Variants in BACH2 observed in about 807,000 individuals in gnomAD.
BACH2 encodes BACH transcriptional regulator 2.
A neutral mutation model predicts 61.8 loss-of-function variants in BACH2; 5 were observed. The ratio of observed to expected loss-of-function variants is 0.08; its 90% confidence interval spans 0.04 to 0.17. BACH2 has a LOEUF of 0.17. Among genes scored for constraint, BACH2 ranks in the 10% least tolerant of loss-of-function variants. The pLI is 1.00. For synonymous variants in BACH2, 446 were observed against 440.1 expected (o/e 1.01, Z -0.17); for missense variants, 824 against 1,091.1 (o/e 0.76, Z 3.45).
chr6:90,024,585 AT>A (rs1260055293), intron 5 of BACH2, among the ~76,000 whole-genome samples: 17 of 152,318 alleles, frequency 1.1e-4, no homozygotes, highest in Non-Finnish European at 2.1e-4. Flanking sequence ...TCTAGTTTCT[AT>A]GGTTCTATGA....
chr6:90,038,729 CT>C (rs1488279395), intron 5 of BACH2, among the ~76,000 whole-genome samples: 2 of 151,638 alleles, frequency 1.3e-5, no homozygotes, highest in Non-Finnish European at 2.9e-5. Context: ...GATCTTTGTC[CT>C]TTTTTTTACA....
intron 4 of BACH2, among the ~76,000 whole-genome samples, chr6:90,161,592 T>G (rs1785194519): frequency 6.6e-6 from 1 of 152,232 alleles, no homozygotes; most frequent in Non-Finnish European, 1.5e-5. Flanking sequence ...TAGGCATAGT[T>G]AAGCAACTGA....
At position 90,156,192 on chromosome 6, in the gene BACH2, TA is replaced by T. The variant is rs200348771; in HGVS notation, c.-162+50376del. ...AAACTGAGGTAGGTATCGAGTGGTG[TA>T]AAAAAAACGCTTCACAAGAGTTTTT... On this transcript the variant is annotated intron_variant, in intron 4 of 8. Coordinates refer to ENST00000257749, the MANE Select transcript of BACH2 (RefSeq NM_021813.4). Among the ~76,000 whole-genome samples, 8 of 151,932 alleles carry T rather than the reference TA, an allele frequency of 5.3e-5. No individual in the cohort carries two copies. In the South Asian group the frequency reaches 1.2e-3, roughly 24 times the overall value.
chr6:90,096,241 C>G (rs1026808947), intron 4 of BACH2, among the ~76,000 whole-genome samples: 3 of 152,174 alleles, frequency 2.0e-5, no homozygotes, highest in African/African-American at 7.2e-5. Context: ...CTATGCAAAG[C>G]CCTTGCCTGG....
At chr6:89,940,894 A>G (rs56835438) in intron 7 of BACH2, among the ~76,000 whole-genome samples, 24,609 of 150,936 alleles carry the variant, frequency 0.16, 2,138 homozygotes, top group East Asian at 0.2. Flanking sequence ...TCCAAAGCAC[A>G]TTTTATCCTT....
At position 90,206,577 on chromosome 6, in the gene BACH2, T is replaced by C. The variant is rs932395919; in HGVS notation, c.-170A>G. 1 of 152,410 alleles carries C rather than the reference T, an allele frequency of 6.6e-6. No individual in the cohort carries two copies. The highest frequency in any genetic ancestry group is 1.5e-5 in the Non-Finnish European group (1 of 68,074). The allele number at this position is 152,410 out of a possible 1,614,324, so 9.4% of individuals were successfully genotyped here. ...CTCAAAGTACCTCTTACCTTGTTCA[T>C]GCTGCAGGGATGGGAGCAAGGGATC... On this transcript the variant is annotated 5_prime_UTR_variant, in exon 4 of 9. The change abolishes an upstream ATG in the 5' untranslated region. Transcript: ENST00000257749.
chr6:90,084,849 C>T (rs1007034876), intron 5 of BACH2, among the ~76,000 whole-genome samples: 3 of 151,978 alleles, frequency 2.0e-5, no homozygotes, highest in Non-Finnish European at 4.4e-5. Context: ...TTTAGGATAG[C>T]AGTTTGTGAA....
intron 5 of BACH2, among the ~76,000 whole-genome samples, chr6:90,069,217 G>A (rs1195054939): frequency 6.6e-6 from 1 of 152,174 alleles, no homozygotes; most frequent in Non-Finnish European, 1.5e-5. Context: ...TCTGAGACAA[G>A]GACTTGGTTC....
chr6:90,167,363 C>CT (rs11387982), intron 4 of BACH2, among the ~76,000 whole-genome samples: 3,235 of 150,878 alleles, frequency 0.021, 57 homozygotes, highest in East Asian at 0.069. Flanking sequence ...TTTTCTTTTT[C>CT]TTTTTTTTTG....
At position 90,293,482 on chromosome 6, in the gene BACH2, G is replaced by A. The variant is rs149661375; in HGVS notation, c.-446+2998C>T. ...CTTTTGTTGGCATCACAGGAGCCTCGATTAGGAATTCTGAGAAACAGCTCA... is the reference window on the plus strand; with the variant it reads ...CTTTTGTTGGCATCACAGGAGCCTCAATTAGGAATTCTGAGAAACAGCTCA... On this transcript the variant is annotated intron_variant, in intron 1 of 8. Coordinates refer to ENST00000257749, the MANE Select transcript of BACH2 (RefSeq NM_021813.4). Among the ~76,000 whole-genome samples the A allele has an allele frequency of 1.6e-4, 25 of 152,296 alleles. No homozygotes were observed. The East Asian group carries it at 4.8e-3, about 29-fold the overall frequency.
chr6:89,934,290 A>G (rs1045744617), intron 8 of BACH2, among the ~76,000 whole-genome samples: 4 of 152,208 alleles, frequency 2.6e-5, no homozygotes, highest in Non-Finnish European at 5.9e-5. Context: ...CTCCTGTGTT[A>G]CTGAAATTCA....
chr6:90,280,237 A>G (rs1771818024), intron 1 of BACH2, among the ~76,000 whole-genome samples: 1 of 152,192 alleles, frequency 6.6e-6, no homozygotes, highest in Admixed American at 6.5e-5. Flanking sequence ...TTGAATTTTC[A>G]ATGAATATAA....
rs142958216 is a variant in BACH2 at position 89,947,283 on chromosome 6, A to G, written c.1836+2987T>C. 2.6e-5 allele frequency among the ~76,000 whole-genome samples: 4 copies of G among 152,292 alleles called. No homozygotes were observed. In the East Asian group the frequency reaches 7.7e-4, roughly 29 times the overall value. On this transcript the variant is annotated intron_variant, in intron 7 of 8. Coordinates refer to ENST00000257749, the MANE Select transcript of BACH2 (RefSeq NM_021813.4). Reference sequence around the variant, plus strand: ...TTGTGGAGAAGGATCTGCCTTGAGCACTATTACTGGGGATAATACTTCAAC... The same window carrying G: ...TTGTGGAGAAGGATCTGCCTTGAGCGCTATTACTGGGGATAATACTTCAAC...
chr6:90,047,933 A>G (rs759047401), intron 5 of BACH2, among the ~76,000 whole-genome samples: 2 of 152,062 alleles, frequency 1.3e-5, no homozygotes, highest in Non-Finnish European at 2.9e-5. Context: ...CTCTTGGTAA[A>G]TCTCTCCTTA....
chr6:90,039,095 C>T (rs1779403670), intron 5 of BACH2, among the ~76,000 whole-genome samples: 3 of 151,788 alleles, frequency 2.0e-5, no homozygotes, highest in African/African-American at 7.3e-5. Context: ...CCTGCTTTCA[C>T]TTAAAAATAT....
intron 5 of BACH2, among the ~76,000 whole-genome samples, chr6:90,069,946 G>A (rs1279262728): frequency 2.0e-5 from 3 of 152,144 alleles, no homozygotes; most frequent in Non-Finnish European, 2.9e-5. Context: ...GAACTTGACT[G>A]GCAGAGGTGG....
At chr6:90,229,333 G>A (rs1314533123) in intron 3 of BACH2, among the ~76,000 whole-genome samples, 2 of 152,116 alleles carry the variant, frequency 1.3e-5, no homozygotes, top group South Asian at 2.1e-4. Flanking sequence ...AGTGGCCAGC[G>A]CCTGTAATCC....
At chr6:90,208,946 C>T (rs1582486873) in intron 3 of BACH2, among the ~76,000 whole-genome samples, 2 of 150,292 alleles carry the variant, frequency 1.3e-5, no homozygotes, top group Admixed American at 1.3e-4. Context: ...AGCAAAGTAA[C>T]ACAAGAAGGG....
At chr6:90,220,966 G>A (rs1209284567) in intron 3 of BACH2, among the ~76,000 whole-genome samples, 1 of 152,204 alleles carries the variant, frequency 6.6e-6, no homozygotes. Context: ...ATCCCTGAGT[G>A]GGGAGGTATT....
Sources: gnomAD v4.1 joint callset for allele counts (sites outside exome capture counted in the v4.1 genomes callset) on GRCh38, gnomAD v4.1.1 for gene constraint, MANE v1.5 for transcripts, NCBI Gene and HGNC (gene_info 2026-07-23, HGNC 2026-07-21) for gene names.